The following FAM117B variants were observed in gnomAD, a reference collection of about 807,000 sequenced individuals.
The protein encoded by FAM117B is family with sequence similarity 117 member B.
A neutral mutation model predicts 52.8 loss-of-function variants in FAM117B; 22 were observed. The ratio of observed to expected loss-of-function variants is 0.42; its 90% CI spans 0.30 to 0.59. FAM117B has a LOEUF of 0.59. Among genes scored for constraint, FAM117B ranks in the 20% least tolerant of loss-of-function variants. The pLI, the probability that FAM117B is intolerant of heterozygous loss-of-function variation, is 0.22. For missense variants in FAM117B, 678 were observed against 802.6 expected (o/e 0.84, Z 1.88); for synonymous variants, 309 against 324.1 (o/e 0.95, Z 0.50).
intron 5 of FAM117B, 80 bp from the exon 6 acceptor site, chr2:202,757,132 TG>T (rs1691811353): frequency 2.2e-6 from 3 of 1,351,390 alleles, no homozygotes; most frequent in African/African-American, 1.5e-5. Flanking sequence ...TGGCACTATA[TG>T]GGAAGGTTGA....
At chr2:202,699,433 A>AAAAAAAAAAAAAAAAG (rs1394585808) in intron 2 of FAM117B, among the ~76,000 whole-genome samples, 1 of 134,336 alleles carries the variant, frequency 7.4e-6, no homozygotes, top group African/African-American at 3.0e-5. Context: ...TCTCAAAAAA[A>AAAAAAAAAAAAAAAAG]AAAAAAAAAA....
intron 1 of FAM117B, among the ~76,000 whole-genome samples, chr2:202,691,367 T>C (rs1690619265): frequency 6.6e-6 from 1 of 152,164 alleles, no homozygotes; most frequent in East Asian, 1.9e-4. Flanking sequence ...TGCGGTGAGC[T>C]GAGATCATGC....
chr2:202,647,392 TG>T (rs904303879), intron 1 of FAM117B, among the ~76,000 whole-genome samples: 9 of 152,276 alleles, frequency 5.9e-5, no homozygotes, highest in African/African-American at 2.2e-4. Flanking sequence ...TTTTCAAAAC[TG>T]AAAAAAACAG....
intron 6 of FAM117B, among the ~76,000 whole-genome samples, chr2:202,757,917 G>A (rs577822496): frequency 1.3e-5 from 2 of 152,262 alleles, no homozygotes; most frequent in Non-Finnish European, 1.5e-5. Flanking sequence ...GATGTAAAAC[G>A]TTGGAGGGTA....
At chr2:202,645,143 ATTTTC>A (rs1689840309) in intron 1 of FAM117B, among the ~76,000 whole-genome samples, 1 of 151,646 alleles carries the variant, frequency 6.6e-6, no homozygotes, top group South Asian at 2.1e-4. Flanking sequence ...TTCAAAATAT[ATTTTC>A]TTTTAAAAAA....
chr2:202,637,864 G>C (rs1467914256), intron 1 of FAM117B, among the ~76,000 whole-genome samples: 1 of 147,298 alleles, frequency 6.8e-6, no homozygotes, highest in East Asian at 2.0e-4. Context: ...CATGTACTTA[G>C]TTAGGTAACT....
chr2:202,647,932 T>C (rs566177160), intron 1 of FAM117B, among the ~76,000 whole-genome samples: 2 of 152,308 alleles, frequency 1.3e-5, no homozygotes, highest in Admixed American at 6.5e-5. Flanking sequence ...TTTCTTCTTC[T>C]TCATGAGCTA....
At chr2:202,733,215 A>T (rs916500454) in intron 4 of FAM117B, among the ~76,000 whole-genome samples, 2 of 152,134 alleles carry the variant, frequency 1.3e-5, no homozygotes, top group Admixed American at 1.3e-4. Context: ...ATCACATGCT[A>T]TAAAGGGCAA....
intron 1 of FAM117B, among the ~76,000 whole-genome samples, chr2:202,672,523 T>C (rs1574550110): frequency 6.6e-6 from 1 of 152,306 alleles, no homozygotes; most frequent in Middle Eastern, 3.4e-3. Context: ...ACTATTTTCT[T>C]TTTTTATTTT....
At chr2:202,663,863 C>A (rs1184645914) in intron 1 of FAM117B, among the ~76,000 whole-genome samples, 2 of 152,188 alleles carry the variant, frequency 1.3e-5, no homozygotes, top group Admixed American at 6.5e-5. Flanking sequence ...GGATTACAGG[C>A]GTGAGCCACT....
chr2:202,697,205 T>C (rs1261195265), intron 2 of FAM117B, among the ~76,000 whole-genome samples: 2 of 152,222 alleles, frequency 1.3e-5, no homozygotes, highest in African/African-American at 4.8e-5. Context: ...CTTACCACAA[T>C]TATAACTAGT....
chr2:202,741,017 C>T (rs1417639474), intron 4 of FAM117B, among the ~76,000 whole-genome samples: 1 of 152,076 alleles, frequency 6.6e-6, no homozygotes, highest in Non-Finnish European at 1.5e-5. Context: ...GAGATACTTC[C>T]ACTAGGATGA....
At chr2:202,760,525 C>T (rs1384684174) in intron 7 of FAM117B, among the ~76,000 whole-genome samples, 3 of 152,170 alleles carry the variant, frequency 2.0e-5, no homozygotes, top group Non-Finnish European at 4.4e-5. Flanking sequence ...TACCATGCTT[C>T]CCATGGGTTA....
intron 1 of FAM117B, among the ~76,000 whole-genome samples, chr2:202,670,110 C>A (rs1690267911): frequency 6.6e-6 from 1 of 152,084 alleles, no homozygotes; most frequent in African/African-American, 2.4e-5. Flanking sequence ...CTGTCTAAAT[C>A]AACAAATCTT....
intron 1 of FAM117B, among the ~76,000 whole-genome samples, chr2:202,646,080 G>T (rs1345649653): frequency 4.0e-5 from 6 of 150,160 alleles, no homozygotes; most frequent in Non-Finnish European, 7.4e-5. Context: ...AGGCTGGAGT[G>T]CAGTGGCACT....
Position 202,721,231 on chromosome 2 carries a change from A to G in FAM117B, c.754-3686A>G, listed in dbSNP as rs190865723. Among the ~76,000 whole-genome samples, 4 of 152,280 alleles carry G rather than the reference A, an allele frequency of 2.6e-5. No homozygotes were observed. The East Asian group carries it at 7.7e-4, about 29-fold the overall frequency. The stretch of plus-strand genomic sequence containing the variant: ...AAATGCAAGGATAAAAATTTAAACA[A>G]TTTTTGAATTTGGAATTGTATTTAT... On this transcript the variant is annotated intron_variant, in intron 2 of 7. Transcript: ENST00000392238.
chr2:202,686,461 T>G (rs982577206), intron 1 of FAM117B, among the ~76,000 whole-genome samples: 1 of 152,232 alleles, frequency 6.6e-6, no homozygotes, highest in Non-Finnish European at 1.5e-5. Context: ...CTTCAAGAAT[T>G]TTCGTATATG....
chr2:202,765,567 C>T lies in FAM117B; in HGVS notation c.1573C>T (p.Pro525Ser), dbSNP rs776644921. The T allele has an allele frequency of 1.1e-5, 18 of 1,613,978 alleles. No individual in the cohort carries two copies. Among genetic ancestry groups the T allele is most frequent in the Non-Finnish European group, 1.4e-5 (17 of 1,180,022 alleles). The part of the protein sequence containing the change: ...VSILKPLLPT[P>S]DLTLKGSGHS... ...CATCCTCAAGCCACTCCTTCCTACCCCGGATCTTACACTCAAGGGCTCTGG... is the reference window on the plus strand; with the variant it reads ...CATCCTCAAGCCACTCCTTCCTACCTCGGATCTTACACTCAAGGGCTCTGG... Residue 525 changes from proline to serine, a missense_variant, in exon 8 of 8, where the codon CCG becomes TCG. Pro to Ser is a moderately conservative substitution (Grantham distance 74). This residue lies in a region of FAM117B where 68 missense variants were observed against 80.6 expected (regional missense o/e 0.84). Coordinates refer to ENST00000392238, the MANE Select transcript of FAM117B (RefSeq NM_173511.4).
At chr2:202,688,763 T>G (rs2105773506) in intron 1 of FAM117B, among the ~76,000 whole-genome samples, 1 of 152,286 alleles carries the variant, frequency 6.6e-6, no homozygotes, top group Middle Eastern at 3.4e-3. Flanking sequence ...ATGTTATAGG[T>G]TTTTGCAAAA....
Sources: allele counts gnomAD v4.1 joint callset (sites outside exome capture counted in the v4.1 genomes callset), GRCh38; gene constraint gnomAD v4.1.1; regional missense constraint gnomAD v4.1.1; transcripts MANE v1.5; gene names NCBI Gene and HGNC (gene_info 2026-07-23, HGNC 2026-07-21).